SNX1: variants seen among roughly 807,000 people sequenced by gnomAD.
The protein encoded by SNX1 is sorting nexin-1.
A neutral mutation model predicts 71.8 loss-of-function variants in SNX1; 36 were observed. The ratio of observed to expected loss-of-function variants is 0.50; its 90% CI spans 0.38 to 0.66. SNX1 has a LOEUF of 0.66. SNX1 is among the 30% of genes least tolerant of loss of function. The pLI is 0.00. For synonymous variants in SNX1, 254 were observed against 240.7 expected (o/e 1.06, Z -0.51); for missense variants, 612 against 646.7 (o/e 0.95, Z 0.58).
intron 6 of SNX1, among the ~76,000 whole-genome samples, chr15:64,126,940 G>GA (rs2081260142): frequency 6.6e-6 from 1 of 152,050 alleles, no homozygotes. Flanking sequence ...GCCTTTTTAA[G>GA]AAAATGTTTA....
chr15:64,101,773 A>G (rs781263450), intron 1 of SNX1, among the ~76,000 whole-genome samples: 3 of 152,242 alleles, frequency 2.0e-5, no homozygotes, highest in Non-Finnish European at 2.9e-5. Flanking sequence ...CTCTGGTAAC[A>G]GATACCAAAT....
At chr15:64,117,177 CA>C (rs2081138175) in intron 2 of SNX1, among the ~76,000 whole-genome samples, 1 of 152,124 alleles carries the variant, frequency 6.6e-6, no homozygotes, top group East Asian at 1.9e-4. Flanking sequence ...GCTTTGACGT[CA>C]TTTTTTTCCT....
At chr15:64,130,086 C>T (rs898191508) in intron 9 of SNX1, 57 bp downstream of exon 9, 49 of 1,480,876 alleles carry the variant, frequency 3.3e-5, no homozygotes, top group Non-Finnish European at 4.3e-5. Flanking sequence ...GGGTCAGAAC[C>T]CCTAAGGAGT....
At chr15:64,127,669 G>T in intron 7 of SNX1, 62 bp from the exon 8 acceptor site, 1 of 1,226,644 alleles carries the variant, frequency 8.2e-7, no homozygotes. Flanking sequence ...CCAGCACTGT[G>T]TGACGCCCAG....
intron 4 of SNX1, among the ~76,000 whole-genome samples, chr15:64,123,012 G>A (rs1393528262): frequency 6.6e-6 from 1 of 152,064 alleles, no homozygotes; most frequent in East Asian, 1.9e-4. Flanking sequence ...CAATGGAGGG[G>A]GTTGTGACGA....
At chr15:64,127,066 CT>C in intron 6 of SNX1, 107 bp from the exon 7 acceptor site, 1 of 794,248 alleles carries the variant, frequency 1.3e-6, no homozygotes. Context: ...TGGCCTTAGG[CT>C]GTGTGCTAGC....
intron 5 of SNX1, among the ~76,000 whole-genome samples, chr15:64,124,147 CATATATATATATATATAT>C (rs10523424): frequency 1.2e-4 from 13 of 105,424 alleles, no homozygotes; most frequent in South Asian, 8.8e-4. Flanking sequence ...GAAATCTTTA[CATATATATATATATATAT>C]ATATATATAT....
intron 1 of SNX1, 108 bp downstream of exon 1, chr15:64,096,280 C>G: frequency 7.4e-7 from 1 of 1,345,614 alleles, no homozygotes; most frequent in Non-Finnish European, 9.9e-7. Flanking sequence ...GAGACCTTGC[C>G]TCGGTGTCAG....
At chr15:64,126,942 A>G (rs2081260172) in intron 6 of SNX1, among the ~76,000 whole-genome samples, 1 of 152,054 alleles carries the variant, frequency 6.6e-6, no homozygotes. Flanking sequence ...CTTTTTAAGA[A>G]AATGTTTACT....
chr15:64,127,613 T>C, intron 7 of SNX1, 118 bp from the exon 8 acceptor site: 1 of 712,280 alleles, frequency 1.4e-6, no homozygotes, highest in African/African-American at 1.8e-5. Flanking sequence ...GTACCTTATC[T>C]TAGGGTACTT....
At chr15:64,109,346 GA>G (rs200967604) in intron 1 of SNX1, among the ~76,000 whole-genome samples, 2 of 148,496 alleles carry the variant, frequency 1.3e-5, no homozygotes, top group African/African-American at 2.5e-5. Flanking sequence ...CACAATTAAA[GA>G]AAAAAAAAGA....
Position 64,127,787 on chromosome 15 carries a change from A to G in SNX1, c.788A>G (p.Glu263Gly), listed in dbSNP as rs749331073. 6.2e-7 allele frequency: 1 copy of G among 1,613,764 alleles called. No individual in the cohort carries two copies. Among genetic ancestry groups the G allele is most frequent in the Non-Finnish European group, 8.5e-7 (1 of 1,179,664 alleles). Residue 263 changes from glutamate (E) to glycine (G), a missense_variant, in exon 8 of 15, where the codon GAG (glutamate) becomes GGG (glycine). Coordinates refer to ENST00000559844, the MANE Select transcript of SNX1 (RefSeq NM_003099.5). ...PTMLQDPDVR[E>G]FLEKEELPRA... ...ATGTTACAGGACCCTGACGTCAGAG[A>G]GTTCTTGGAAAAAGAAGAGGTTAGT...
At chr15:64,122,779 A>G (rs955126404) in intron 4 of SNX1, among the ~76,000 whole-genome samples, 2 of 152,214 alleles carry the variant, frequency 1.3e-5, no homozygotes, top group African/African-American at 4.8e-5. Context: ...CAGGATATCA[A>G]TGGCATCTTT....
At chr15:64,107,701 A>G (rs1044791536) in intron 1 of SNX1, among the ~76,000 whole-genome samples, 1 of 152,068 alleles carries the variant, frequency 6.6e-6, no homozygotes, top group African/African-American at 2.4e-5. Flanking sequence ...CAAAGGGAGT[A>G]AGCAAGTGTT....
Position 64,129,757 on chromosome 15 carries a change from A to G in SNX1, c.808-159A>G, listed in dbSNP as rs1225507706. ...GGTTCTTTGATTTTTCTGTATGGAC[A>G]TGTTAGTTGTGGATTCCTCAGACTG... On this transcript the variant is annotated intron_variant, in intron 8 of 14. Transcript: ENST00000559844. This position sits in a 1 kb window ranked among gnomAD's most constrained non-coding sequence, Gnocchi z 4.4. The G allele has an allele frequency of 1.2e-5, 7 of 589,588 alleles. No homozygotes were observed. The highest frequency in any genetic ancestry group is 1.8e-5 in the Non-Finnish European group (6 of 328,318). 36.5% of individuals were successfully genotyped at this position (589,588 alleles called of 1,614,324 possible).
intron 12 of SNX1, among the ~76,000 whole-genome samples, chr15:64,135,751 C>G (rs1352057778): frequency 1.0e-5 from 1 of 97,236 alleles, no homozygotes; most frequent in Non-Finnish European, 2.2e-5. Context: ...GAGCAAGACT[C>G]TGTCTCAAAA....
chr15:64,115,662 C>T (rs1459489109), intron 2 of SNX1: 1 of 275,982 alleles, frequency 3.6e-6, no homozygotes, highest in South Asian at 2.9e-5. Context: ...CTCCCAGGCT[C>T]AAGTGATCTT....
intron 10 of SNX1, among the ~76,000 whole-genome samples, chr15:64,130,958 G>A (rs891486284): frequency 1.2e-4 from 18 of 151,664 alleles, no homozygotes; most frequent in Admixed American, 1.0e-3. Context: ...AAAAGAATCT[G>A]TAGCAGACTA....
intron 5 of SNX1, among the ~76,000 whole-genome samples, chr15:64,124,147 CATATATATATATAT>C (rs10523424): frequency 0.72 from 76,389 of 105,616 alleles, 27,559 homozygotes; most frequent in East Asian, 0.84. Context: ...GAAATCTTTA[CATATATATATATAT>C]ATATATATAT....
Sources: allele counts gnomAD v4.1 joint callset (sites outside exome capture counted in the v4.1 genomes callset), GRCh38; gene constraint gnomAD v4.1.1; non-coding constraint Gnocchi (gnomAD v3.1); transcripts MANE v1.5; gene names NCBI Gene and HGNC (gene_info 2026-07-23, HGNC 2026-07-21).